Variants in RWDD4 observed in about 807,000 individuals in gnomAD.
RWDD4 encodes the protein RWD domain containing 4, also known as RWD domain-containing protein 4.
A neutral mutation model predicts 30.0 loss-of-function variants in RWDD4; 16 were observed. The observed-to-expected ratio is 0.53, with a 90% CI of 0.36 to 0.81. RWDD4 has a LOEUF of 0.81. Among genes scored for constraint, RWDD4 ranks in the 30% least tolerant of loss-of-function variants. The pLI is 0.00. For synonymous variants in RWDD4, 45 were observed against 72.1 expected (o/e 0.62, Z 1.90); for missense variants, 170 against 223.9 (o/e 0.76, Z 1.54).
intron 5 of RWDD4, among the ~76,000 whole-genome samples, chr4:183,648,041 G>A (rs765665368): frequency 3.9e-5 from 6 of 151,962 alleles, no homozygotes; most frequent in African/African-American, 9.7e-5. Flanking sequence ...TCAAGAGATC[G>A]AGACCAGCCT....
At chr4:183,656,255 C>G (rs1454650047) in intron 1 of RWDD4, among the ~76,000 whole-genome samples, 1 of 152,182 alleles carries the variant, frequency 6.6e-6, no homozygotes, top group African/African-American at 2.4e-5. Context: ...CCTAGGGAAG[C>G]AAGGAAGTCT....
intron 7 of RWDD4, among the ~76,000 whole-genome samples, chr4:183,642,006 G>A (rs1292044687): frequency 6.6e-6 from 1 of 151,792 alleles, no homozygotes; most frequent in African/African-American, 2.4e-5. Flanking sequence ...TGGGGTAAGG[G>A]GAGGCAGATA....
intron 7 of RWDD4, among the ~76,000 whole-genome samples, chr4:183,642,229 G>T (rs559417892): frequency 1.4e-5 from 1 of 72,254 alleles, no homozygotes; most frequent in Non-Finnish European, 2.3e-5. Context: ...TCGCTCTGTC[G>T]CCCAGGCTGG....
chr4:183,658,431 T>C (rs1734263418), intron 1 of RWDD4, among the ~76,000 whole-genome samples: 1 of 152,206 alleles, frequency 6.6e-6, no homozygotes, highest in South Asian at 2.1e-4. Context: ...GGTACATGAA[T>C]GCTCAAAACA....
chr4:183,650,899 A>G, intron 4 of RWDD4, 85 bp downstream of exon 4: 1 of 1,341,182 alleles, frequency 7.5e-7, no homozygotes, highest in Non-Finnish European at 1.0e-6. Context: ...CCGATTTTGA[A>G]TATATATTAA....
intron 1 of RWDD4, among the ~76,000 whole-genome samples, chr4:183,658,608 A>G (rs1415473073): frequency 2.6e-5 from 4 of 152,364 alleles, no homozygotes; most frequent in Non-Finnish European, 4.4e-5. Context: ...CTAACTCAGT[A>G]AACAGGCACT....
intron 7 of RWDD4, among the ~76,000 whole-genome samples, chr4:183,643,439 A>AAAAAAAAAAAAAAAAAAAC (rs1733907832): frequency 6.9e-6 from 1 of 144,000 alleles, no homozygotes; most frequent in Non-Finnish European, 1.5e-5. Flanking sequence ...AAAAAAAAAA[A>AAAAAAAAAAAAAAAAAAAC]AAAAAAAAGC....
At chr4:183,652,256 C>G (rs771310341) in intron 2 of RWDD4, among the ~76,000 whole-genome samples, 1 of 152,156 alleles carries the variant, frequency 6.6e-6, no homozygotes, top group Non-Finnish European at 1.5e-5. Context: ...TAGACATCAC[C>G]TCAACCCACA....
Position 183,650,966 on chromosome 4 carries a change from A to AAAT in RWDD4, c.363+15_363+17dup, listed in dbSNP as rs1177848034. 3.8e-6 allele frequency: 6 copies of AAAT among 1,593,208 alleles called. No individual in the cohort carries two copies. The highest frequency in any genetic ancestry group is 5.1e-6 in the Non-Finnish European group (6 of 1,169,046). On this transcript the variant is annotated intron_variant, in intron 4 of 7. Transcript: ENST00000326397. ...AAAACAACAAAAGAATCCGGCAAAA[A>AAAT]AATAATCACATACTCACTGCGGAAT...
In RWDD4 at chr4:183,655,882, C is replaced by G; in HGVS notation, c.104G>C (p.Arg35Thr). ...GCTCTTATTCATGCCATGTCTTACCCTATATTGAAAAGAAACTGGACTTAA... is the reference window on the plus strand; with the variant it reads ...GCTCTTATTCATGCCATGTCTTACCGTATATTGAAAAGAAACTGGACTTAA... ...RELSPVSFQY[R>T]IGENGDPKAF... The change falls in exon 2 of 8, where the codon AGG (arginine) becomes ACG (threonine). Residue 35 changes from arginine (R) to threonine (T), a missense_variant and splice_region_variant. Physicochemically the swap from Arg to Thr is moderately conservative, Grantham distance 71. Coordinates refer to ENST00000326397, the MANE Select transcript of RWDD4 (RefSeq NM_152682.4). 1 of 1,595,446 alleles carries G rather than the reference C, an allele frequency of 6.3e-7. No homozygotes were observed.
chr4:183,641,485 G>A lies in RWDD4; in HGVS notation c.535-17C>T. On this transcript the variant is annotated splice_polypyrimidine_tract_variant and intron_variant, in intron 7 of 7. Transcript: ENST00000326397. ...TTTGCTTAACTATAAAAAAAAGAGA[G>A]AAAATAGTCAACAAGTGGTATTTTC... 6.3e-7 allele frequency: 1 copy of A among 1,594,820 alleles called. No homozygotes were observed. Among genetic ancestry groups the A allele is most frequent in the Non-Finnish European group, 8.6e-7 (1 of 1,165,156 alleles).
In RWDD4 at chr4:183,646,576, A is replaced by T. The variant is rs201436808; in HGVS notation, c.482-39T>A. 7.7e-6 allele frequency: 12 copies of T among 1,560,268 alleles called. No individual in the cohort carries two copies. In the Admixed American group the frequency reaches 1.7e-4, roughly 22 times the overall value. Reference sequence around the variant, plus strand: ...AATAGTAACTTTATTTCTAAGACCAACCAGCTAGTTTTATAATAATTAAGA... The same window carrying T: ...AATAGTAACTTTATTTCTAAGACCATCCAGCTAGTTTTATAATAATTAAGA... On this transcript the variant is annotated intron_variant, in intron 5 of 7. Transcript: ENST00000326397.
At chr4:183,643,913 C>T (rs951391124) in intron 7 of RWDD4, among the ~76,000 whole-genome samples, 2 of 152,100 alleles carry the variant, frequency 1.3e-5, no homozygotes, top group South Asian at 4.2e-4. Flanking sequence ...TGCGAAACTC[C>T]GTCTCAAAAA....
chr4:183,645,476 C>T (rs1156609501), intron 7 of RWDD4, among the ~76,000 whole-genome samples: 1 of 151,842 alleles, frequency 6.6e-6, no homozygotes, highest in African/African-American at 2.4e-5. Flanking sequence ...TAAAAAAACC[C>T]ACAAAAGCCA....
intron 2 of RWDD4, among the ~76,000 whole-genome samples, chr4:183,652,814 AAAAAAAAAAG>A (rs1229153341): frequency 3.3e-5 from 5 of 152,056 alleles, no homozygotes; most frequent in African/African-American, 1.2e-4. Context: ...ATCTCAAAAA[AAAAAAAAAAG>A]AAAGAAATCC....
In RWDD4 at chr4:183,651,262, T is replaced by C. The variant is rs1734070485; in HGVS notation, c.171A>G (p.Gln57=). The C allele has an allele frequency of 1.9e-6, 3 of 1,613,066 alleles. No homozygotes were observed. Among genetic ancestry groups the C allele is most frequent in the African/African-American group, 1.3e-5 (1 of 74,892 alleles). Residue 57 remains glutamine, a synonymous_variant, in exon 3 of 8, where the codon CAA becomes CAG. Transcript: ENST00000326397. Reference sequence around the variant, plus strand: ...CGTTCATAGATAGAATTGGAGGTGTTTGGGGATATGTTTCTGTCCAGGAAA... The same window carrying C: ...CGTTCATAGATAGAATTGGAGGTGTCTGGGGATATGTTTCTGTCCAGGAAA... ...IEISWTETYP[Q]TPPILSMNAF...
chr4:183,642,506 C>G (rs554397360), intron 7 of RWDD4, among the ~76,000 whole-genome samples: 7 of 152,206 alleles, frequency 4.6e-5, no homozygotes, highest in African/African-American at 1.4e-4. Context: ...TCTTTATTAT[C>G]TAGCTCAGTG....
chr4:183,643,244 T>C (rs545745171), intron 7 of RWDD4, among the ~76,000 whole-genome samples: 13 of 147,002 alleles, frequency 8.8e-5, no homozygotes, highest in African/African-American at 3.2e-4. Context: ...CTGGCCAATA[T>C]GGTGAAACCC....
At chr4:183,643,410 T>A (rs1310162966) in intron 7 of RWDD4, among the ~76,000 whole-genome samples, 1 of 26,394 alleles carries the variant, frequency 3.8e-5, no homozygotes, top group Non-Finnish European at 7.3e-5. Context: ...AGCAAGACTC[T>A]ATCTCAAAAA....
Sources: allele counts gnomAD v4.1 joint callset (sites outside exome capture counted in the v4.1 genomes callset), GRCh38; gene constraint gnomAD v4.1.1; transcripts MANE v1.5; gene names NCBI Gene and HGNC (gene_info 2026-07-23, HGNC 2026-07-21).